Variants in AGO1 observed in about 807,000 individuals in gnomAD.
The protein encoded by AGO1 is protein argonaute-1.
AGO1 carries 11 observed loss-of-function variants against 109.2 expected under a neutral mutation model. That is an observed-to-expected ratio of 0.10 (90% CI 0.06 to 0.17). The LOEUF is 0.17. Among genes scored for constraint, AGO1 ranks in the 10% least tolerant of loss-of-function variants. The pLI is 1.00. For missense variants in AGO1, 574 were observed against 1,140.3 expected, an observed-to-expected ratio of 0.50 and a Z score of 7.15; for synonymous variants, 422 against 418.6, an observed-to-expected ratio of 1.01 and a Z score of -0.10.
At chr1:35,894,195 G>A in intron 6 of AGO1, 24 bp downstream of exon 6, 2 of 1,568,038 alleles carry the variant, frequency 1.3e-6, no homozygotes, top group African/African-American at 2.7e-5. Context: ...AGGAGGGGAA[G>A]GGAAACAGCG....
intron 1 of AGO1, among the ~76,000 whole-genome samples, chr1:35,870,385 G>A (rs1175084355): frequency 1.3e-5 from 2 of 151,884 alleles, no homozygotes; most frequent in Non-Finnish European, 2.9e-5. Flanking sequence ...CCAGGTTCAC[G>A]CCATTCTCTT....
chr1:35,916,324 G>A (rs1645734873), intron 15 of AGO1, among the ~76,000 whole-genome samples: 1 of 152,094 alleles, frequency 6.6e-6, no homozygotes, highest in African/African-American at 2.4e-5. Context: ...AGACACATTG[G>A]TCTGATTCCA....
At chr1:35,915,946 T>C (rs2148724240) in intron 15 of AGO1, among the ~76,000 whole-genome samples, 1 of 152,322 alleles carries the variant, frequency 6.6e-6, no homozygotes, top group African/African-American at 2.4e-5. Flanking sequence ...GCGATGCTGA[T>C]AGTCTGGAGA....
At chr1:35,880,887 T>C (rs1175522197), upstream of AGO1, among the ~76,000 whole-genome samples, 2 of 152,212 alleles carry the variant, frequency 1.3e-5, no homozygotes, top group East Asian at 3.9e-4. Flanking sequence ...CTCGAACTCC[T>C]GACCTCAGGT....
At chr1:35,881,985 GCAGTGAATCATGT>G (rs1396142936), upstream of AGO1, among the ~76,000 whole-genome samples, 1 of 152,204 alleles carries the variant, frequency 6.6e-6, no homozygotes, top group Non-Finnish European at 1.5e-5. Context: ...CATCAGAATG[GCAGTGAATCATGT>G]GAGAGCAGTT....
intron 17 of AGO1, 128 bp downstream of exon 17, chr1:35,918,551 G>A: frequency 2.3e-6 from 2 of 852,522 alleles, no homozygotes; most frequent in South Asian, 3.0e-5. Flanking sequence ...TGTTTGTTCT[G>A]TTTTGTTTTG....
intron 14 of AGO1, 57 bp downstream of exon 14, chr1:35,914,331 A>G: frequency 7.0e-7 from 1 of 1,426,414 alleles, no homozygotes; most frequent in South Asian, 1.1e-5. Flanking sequence ...TGAGTCCTCA[A>G]AACTGCCCAT....
upstream of AGO1, chr1:35,883,175 G>C: frequency 8.7e-7 from 1 of 1,153,390 alleles, no homozygotes; most frequent in African/African-American, 1.6e-5. The surrounding 1 kb of genome is among the most constrained non-coding windows in gnomAD (Gnocchi z 5.4). Flanking sequence ...ACTCGTTCCG[G>C]TCCGCCCCCT....
rs1351170931 is a variant in AGO1, at chr1:35,924,223, C to T, written c.*4616C>T. On this transcript the variant is annotated 3_prime_UTR_variant, in exon 19 of 19. Transcript: ENST00000373204. ...CTGTAATGTACAGTTCCTTCTGAAG[C>T]AAGCAACATCAGCAGCAGCAGCAGC... is the stretch of plus-strand genomic sequence containing the variant. The T allele has an allele frequency of 6.5e-6, 1 of 154,228 alleles. No homozygotes were observed. Among genetic ancestry groups the T allele is most frequent in the Non-Finnish European group, 1.5e-5 (1 of 68,754 alleles). The allele number at this position is 154,228 out of a possible 1,614,324, so 9.6% of individuals were successfully genotyped here. A position where few individuals can be genotyped will look rare whatever the true frequency, so the allele number is the denominator to read the frequency against.
chr1:35,885,547 C>T (rs1353112373), intron 1 of AGO1, among the ~76,000 whole-genome samples: 1 of 152,130 alleles, frequency 6.6e-6, no homozygotes, highest in Non-Finnish European at 1.5e-5. Context: ...GGACTGTTCT[C>T]TTATAAGAAG....
chr1:35,875,541 G>A (rs1171166454), intron 1 of AGO1, among the ~76,000 whole-genome samples: 2 of 152,148 alleles, frequency 1.3e-5, no homozygotes, highest in Admixed American at 1.3e-4. Flanking sequence ...AGCCTCCTGA[G>A]TAGCTGGGAT....
At position 35,895,103 on chromosome 1, in the gene AGO1, C is replaced by G; in HGVS notation, c.873-19C>G. ...AATGCTGGGTTATGACACCCCCTTC[C>G]TTCCCTTCTTCTGAACAGATTCCCC... is the stretch of plus-strand genomic sequence containing the variant. On this transcript the variant is annotated intron_variant, in intron 7 of 18. Transcript: ENST00000373204. 1.9e-6 allele frequency: 3 copies of G among 1,598,192 alleles called. No individual in the cohort carries two copies. The highest frequency in any genetic ancestry group is 2.6e-6 in the Non-Finnish European group (3 of 1,172,408).
chr1:35,920,204 C>G lies in AGO1; in HGVS notation c.*597C>G, dbSNP rs926829253. 1 of 152,436 alleles carries G rather than the reference C, an allele frequency of 6.6e-6. No homozygotes were observed. The highest frequency in any genetic ancestry group is 2.4e-5 in the African/African-American group (1 of 41,382). The allele number at this position is 152,436 out of a possible 1,614,324, so 9.4% of individuals were successfully genotyped here. On this transcript the variant is annotated 3_prime_UTR_variant, in exon 19 of 19. Coordinates refer to ENST00000373204, the MANE Select transcript of AGO1 (RefSeq NM_012199.5). ...AGATTTTTTAATGGTTTTGGTTGCT[C>G]CTCCCCCAGCTGCCACCCCCCACCT...
chr1:35,895,347 T>G, intron 8 of AGO1, 78 bp downstream of exon 8: 1 of 1,467,222 alleles, frequency 6.8e-7, no homozygotes, highest in South Asian at 1.4e-5. Context: ...TGTTCTTTCA[T>G]TTTGAAGTTT....
chr1:35,895,344 T>C (rs779317694), intron 8 of AGO1, 75 bp downstream of exon 8: 7 of 1,476,556 alleles, frequency 4.7e-6, no homozygotes, highest in Non-Finnish European at 4.5e-6. Flanking sequence ...GTCTGTTCTT[T>C]CATTTTGAAG....
rs933597140 is a variant in AGO1 at position 35,901,257 on chromosome 1, C to T, written c.1021-217C>T. ...AGGTGCTGGGATTGCAGGCATGAGC[C>T]ACCATGCCCGGCCTGAATCGCCTTT... On this transcript the variant is annotated intron_variant, in intron 8 of 18. Transcript: ENST00000373204. This position sits in a 1 kb window ranked among gnomAD's most constrained non-coding sequence, Gnocchi z 4.8. Among the ~76,000 whole-genome samples, 3 of 152,188 alleles carry T rather than the reference C, an allele frequency of 2.0e-5. No individual in the cohort carries two copies. The highest frequency in any genetic ancestry group is 7.2e-5 in the African/African-American group (3 of 41,450).
intron 11 of AGO1, among the ~76,000 whole-genome samples, chr1:35,904,160 C>CAGTG (rs1429899945): frequency 2.2e-5 from 3 of 137,108 alleles, no homozygotes; most frequent in Non-Finnish European, 4.5e-5. Context: ...CGTCCAGGTG[C>CAGTG]AGTGGCGCCA....
In AGO1 at chr1:35,925,522, CT is replaced by C. The variant is rs1645910202; in HGVS notation, c.*5916del. 6.6e-6 allele frequency: 1 copy of C among 150,522 alleles called. No individual in the cohort carries two copies. Among genetic ancestry groups the C allele is most frequent in the Non-Finnish European group, 1.5e-5 (1 of 67,826 alleles). 9.3% of individuals were successfully genotyped at this position (150,522 alleles called of 1,614,324 possible). A position where few individuals can be genotyped will look rare whatever the true frequency, so the allele number is the denominator to read the frequency against. ...AACTCCTAGGAGCAGAAGCTATATT[CT>C]CTTCATTTTTGTCATCTCAGGGTCA... is the stretch of plus-strand genomic sequence containing the variant. On this transcript the variant is annotated 3_prime_UTR_variant, in exon 19 of 19. Coordinates refer to ENST00000373204, the MANE Select transcript of AGO1 (RefSeq NM_012199.5).
At chr1:35,882,733 C>T (rs1645050086), upstream of AGO1, 2 of 835,870 alleles carry the variant, frequency 2.4e-6, no homozygotes, top group Non-Finnish European at 2.9e-6. The surrounding 1 kb of genome is among the most constrained non-coding windows in gnomAD (Gnocchi z 5.1). Context: ...GAGGGGGTGG[C>T]GTCAGTGAGT....
Sources: allele counts gnomAD v4.1 joint callset (sites outside exome capture counted in the v4.1 genomes callset), GRCh38; gene constraint gnomAD v4.1.1; non-coding constraint Gnocchi (gnomAD v3.1); transcripts MANE v1.5; gene names NCBI Gene and HGNC (gene_info 2026-07-23, HGNC 2026-07-21).